Variants in KCNT2 observed in about 807,000 individuals in gnomAD.
KCNT2 encodes potassium channel subfamily T member 2.
A neutral mutation model predicts 153.8 loss-of-function variants in KCNT2; 67 were observed. The observed-to-expected ratio is 0.44, with a 90% CI of 0.36 to 0.53. The LOEUF (loss-of-function observed/expected upper bound fraction) is 0.53, where lower values mean the gene tolerates loss of function less well. KCNT2 is among the 20% of genes least tolerant of loss of function. The pLI is 0.00. For synonymous variants in KCNT2, 500 were observed against 458.8 expected (o/e 1.09, Z -1.15); for missense variants, 975 against 1,354.8 (o/e 0.72, Z 4.40).
At chr1:196,471,220 A>G (rs1430225364) in intron 5 of KCNT2, among the ~76,000 whole-genome samples, 1 of 151,924 alleles carries the variant, frequency 6.6e-6, no homozygotes, top group Non-Finnish European at 1.5e-5. Context: ...AATTTCTTAA[A>G]TACTAAACTG....
At chr1:196,477,975 G>C (rs1678683191) in intron 5 of KCNT2, among the ~76,000 whole-genome samples, 1 of 152,244 alleles carries the variant, frequency 6.6e-6, no homozygotes, top group South Asian at 2.1e-4. Flanking sequence ...ATTTATCTGT[G>C]TGTTCACCAG....
chr1:196,258,926 A>G lies in KCNT2; in HGVS notation c.2911-432T>C, dbSNP rs185650516. Among the ~76,000 whole-genome samples the G allele has an allele frequency of 3.9e-4, 60 of 152,250 alleles. No individual in the cohort carries two copies. In the East Asian group the frequency reaches 0.011, roughly 28 times the overall value. ...CTCAATTTAAATAATTAAGATAACTATCTTAGATTTGGAATTAATGTTGTT... is the reference window on the plus strand; with the variant it reads ...CTCAATTTAAATAATTAAGATAACTGTCTTAGATTTGGAATTAATGTTGTT... On this transcript the variant is annotated intron_variant, in intron 25 of 27. Transcript: ENST00000294725.
intron 4 of KCNT2, 89 bp from the exon 5 acceptor site, chr1:196,479,327 A>T: frequency 1.4e-6 from 1 of 729,528 alleles, no homozygotes; most frequent in Non-Finnish European, 2.4e-6. Flanking sequence ...ATTTAAATAT[A>T]TGTGCATGTA....
intron 25 of KCNT2, among the ~76,000 whole-genome samples, chr1:196,276,069 T>C (rs888789382): frequency 6.6e-6 from 1 of 152,056 alleles, no homozygotes; most frequent in Non-Finnish European, 1.5e-5. Context: ...CTATAGAATA[T>C]GCCTGATTAT....
Position 196,528,929 on chromosome 1 carries a change from T to C in KCNT2, c.96-36588A>G, listed in dbSNP as rs574015056. Reference sequence around the variant, plus strand: ...GATTGCCCCATGCCTTTCATGCTTATGATTATGCTATACATATTTAACTCC... The same window carrying C: ...GATTGCCCCATGCCTTTCATGCTTACGATTATGCTATACATATTTAACTCC... On this transcript the variant is annotated intron_variant, in intron 1 of 27. Coordinates refer to ENST00000294725, the MANE Select transcript of KCNT2 (RefSeq NM_198503.5). Among the ~76,000 whole-genome samples the C allele has an allele frequency of 1.2e-4, 19 of 152,262 alleles. No homozygotes were observed. In the South Asian group the frequency reaches 3.7e-3, roughly 30 times the overall value.
intron 1 of KCNT2, among the ~76,000 whole-genome samples, chr1:196,534,048 T>A (rs1655256173): frequency 6.6e-6 from 1 of 151,902 alleles, no homozygotes; most frequent in African/African-American, 2.4e-5. Context: ...GTCATCAGGG[T>A]CCAGTATTCT....
chr1:196,276,866 G>A (rs796542903), intron 25 of KCNT2, among the ~76,000 whole-genome samples: 1 of 151,910 alleles, frequency 6.6e-6, no homozygotes, highest in Non-Finnish European at 1.5e-5. Flanking sequence ...GTGACCTATC[G>A]CACGTCTCCT....
chr1:196,305,036 T>C (rs1271824614), intron 22 of KCNT2, among the ~76,000 whole-genome samples, 198 bp downstream of exon 22: 2 of 152,172 alleles, frequency 1.3e-5, no homozygotes, highest in Non-Finnish European at 2.9e-5. Flanking sequence ...TCCATCATAT[T>C]TACCTGTGAT....
intron 1 of KCNT2, among the ~76,000 whole-genome samples, chr1:196,596,056 GTATATATATATATATATATA>G (rs1174131733): frequency 3.4e-3 from 15 of 4,348 alleles, no homozygotes; most frequent in African/African-American, 4.0e-3. Flanking sequence ...TCCATGATGT[GTATATATATATATATATATA>G]TATATATATA....
chr1:196,274,790 T>G (rs1479218647), intron 25 of KCNT2, among the ~76,000 whole-genome samples: 1 of 151,828 alleles, frequency 6.6e-6, no homozygotes, highest in Non-Finnish European at 1.5e-5. Flanking sequence ...GTTTTTCTGG[T>G]TCCTAGTAAA....
chr1:196,526,390 T>C (rs954856418), intron 1 of KCNT2, among the ~76,000 whole-genome samples: 5 of 151,386 alleles, frequency 3.3e-5, no homozygotes, highest in South Asian at 2.1e-4. Context: ...AAATTATACA[T>C]ATATAATTTA....
At chr1:196,330,001 T>C (rs1664300898) in intron 18 of KCNT2, among the ~76,000 whole-genome samples, 1 of 130,244 alleles carries the variant, frequency 7.7e-6, no homozygotes. Context: ...GAGACCAATA[T>C]ATATATTCAG....
Position 196,418,031 on chromosome 1 carries a change from T to G in KCNT2, c.1185+5019A>C, listed in dbSNP as rs1572381425. On this transcript the variant is annotated intron_variant, in intron 12 of 27. Coordinates refer to ENST00000294725, the MANE Select transcript of KCNT2 (RefSeq NM_198503.5). Reference sequence around the variant, plus strand: ...TTCAGTGTTCACATTATTATGGCTGTTTTTCATAGAACAGCATGTTGAGTG... The same window carrying G: ...TTCAGTGTTCACATTATTATGGCTGGTTTTCATAGAACAGCATGTTGAGTG... 2.0e-5 allele frequency among the ~76,000 whole-genome samples: 3 copies of G among 152,262 alleles called. No homozygotes were observed. In the South Asian group the frequency reaches 6.2e-4, roughly 32 times the overall value.
intron 25 of KCNT2, among the ~76,000 whole-genome samples, chr1:196,267,258 A>G (rs1657631688): frequency 6.6e-6 from 1 of 152,226 alleles, no homozygotes; most frequent in African/African-American, 2.4e-5. Context: ...GGAGCTCACA[A>G]GAAAGAATAG....
chr1:196,422,781 A>G (rs1673319626), intron 12 of KCNT2, among the ~76,000 whole-genome samples: 1 of 151,960 alleles, frequency 6.6e-6, no homozygotes. Context: ...CATACTTAAT[A>G]AAAAATGTTC....
In KCNT2 at chr1:196,491,555, A is replaced by T. The variant is rs1451473517; in HGVS notation, c.175+707T>A. ...AAGCAATGACCATAAAAAAAATTGC[A>T]TATTGGTTTATTACATATGGCTTTT... is the stretch of plus-strand genomic sequence containing the variant. On this transcript the variant is annotated intron_variant, in intron 2 of 27. Coordinates refer to ENST00000294725, the MANE Select transcript of KCNT2 (RefSeq NM_198503.5). 2.6e-5 allele frequency among the ~76,000 whole-genome samples: 4 copies of T among 152,036 alleles called. No individual in the cohort carries two copies. In the East Asian group the frequency reaches 7.7e-4, roughly 29 times the overall value.
intron 1 of KCNT2, among the ~76,000 whole-genome samples, chr1:196,601,520 G>C (rs112953451): frequency 6.6e-6 from 1 of 152,114 alleles, no homozygotes; most frequent in African/African-American, 2.4e-5. Flanking sequence ...ATGCTATTAA[G>C]GGTTTCTGCA....
Position 196,225,935 on chromosome 1 carries a change from T to C in KCNT2, c.*2289A>G, listed in dbSNP as rs185632059. The C allele has an allele frequency of 3.3e-5, 5 of 152,262 alleles. No homozygotes were observed. The highest frequency in any genetic ancestry group is 1.2e-4 in the African/African-American group (5 of 41,588). 9.4% of individuals were successfully genotyped at this position (152,262 alleles called of 1,614,324 possible). ...TTTTCATGTGCAAGTATAATTATTTTAAAAAGGCAACATTTCATTAAAAGT... is the reference window on the plus strand; with the variant it reads ...TTTTCATGTGCAAGTATAATTATTTCAAAAAGGCAACATTTCATTAAAAGT... On this transcript the variant is annotated 3_prime_UTR_variant, in exon 28 of 28. Coordinates refer to ENST00000294725, the MANE Select transcript of KCNT2 (RefSeq NM_198503.5).
chr1:196,504,936 GT>G (rs1195176264), intron 1 of KCNT2, among the ~76,000 whole-genome samples: 2 of 152,044 alleles, frequency 1.3e-5, no homozygotes, highest in Admixed American at 1.3e-4. Flanking sequence ...GGGGTTGTTT[GT>G]TTTTTTCTTG....
Sources: allele counts gnomAD v4.1 joint callset (sites outside exome capture counted in the v4.1 genomes callset), GRCh38; gene constraint gnomAD v4.1.1; transcripts MANE v1.5; gene names NCBI Gene and HGNC (gene_info 2026-07-23, HGNC 2026-07-21).